The following LRP1B variants were observed in gnomAD, a reference collection of about 807,000 sequenced individuals.
LRP1B encodes the protein LDL receptor related protein 1B, also known as low-density lipoprotein receptor-related protein 1B.
In LRP1B, 217 loss-of-function variants were observed where a neutral mutation model predicts 556.6. That is an observed-to-expected ratio of 0.39 (90% CI 0.35 to 0.44). The LOEUF (loss-of-function observed/expected upper bound fraction) is 0.44, where lower values mean the gene tolerates loss of function less well. LRP1B is among the 20% of genes least tolerant of loss of function. The pLI is 1.00. For synonymous variants in LRP1B, 2,047 were observed against 1,865.8 expected (o/e 1.10, Z -2.50); for missense variants, 5,053 against 5,620.8 (o/e 0.90, Z 3.23).
In LRP1B at chr2:141,765,790, T is replaced by C. The variant is rs185420600; in HGVS notation, c.205+44489A>G. Among the ~76,000 whole-genome samples, 11 of 152,288 alleles carry C rather than the reference T, an allele frequency of 7.2e-5. No individual in the cohort carries two copies. In the East Asian group the frequency reaches 1.7e-3, roughly 24 times the overall value. On this transcript the variant is annotated intron_variant, in intron 2 of 90. Coordinates refer to ENST00000389484, the MANE Select transcript of LRP1B (RefSeq NM_018557.3). ...GAATTTATAACTGATGATTCCTTTT[T>C]CTCCTTATTTCAGTGATTCTCAGCA...
chr2:141,246,729 C>A (rs1409588404), intron 5 of LRP1B, among the ~76,000 whole-genome samples: 2 of 152,110 alleles, frequency 1.3e-5, no homozygotes, highest in Non-Finnish European at 2.9e-5. Flanking sequence ...CTTTGGGAGG[C>A]CTTGGTGGGT....
intron 1 of LRP1B, among the ~76,000 whole-genome samples, chr2:141,822,461 T>C (rs1696787000): frequency 6.6e-6 from 1 of 152,156 alleles, no homozygotes; most frequent in Non-Finnish European, 1.5e-5. Context: ...TATTGACACT[T>C]CCTTGCAGGC....
chr2:140,313,296 T>A (rs560395447), intron 83 of LRP1B, among the ~76,000 whole-genome samples: 1 of 152,018 alleles, frequency 6.6e-6, no homozygotes, highest in Non-Finnish European at 1.5e-5. Context: ...TCTTGAACAT[T>A]TTATGTAAAT....
At chr2:141,451,318 A>C (rs1478647552) in intron 3 of LRP1B, among the ~76,000 whole-genome samples, 7 of 152,214 alleles carry the variant, frequency 4.6e-5, no homozygotes, top group Admixed American at 4.6e-4. Flanking sequence ...ACTCTTAGTG[A>C]ACTGGTAGTG....
intron 43 of LRP1B, among the ~76,000 whole-genome samples, chr2:140,547,698 G>T (rs1178690494): frequency 6.6e-6 from 1 of 151,932 alleles, no homozygotes; most frequent in African/African-American, 2.4e-5. Flanking sequence ...ATGAGTGGAG[G>T]CACTGTGGCA....
At chr2:141,627,464 G>A (rs1328169254) in intron 2 of LRP1B, among the ~76,000 whole-genome samples, 1 of 152,148 alleles carries the variant, frequency 6.6e-6, no homozygotes, top group Non-Finnish European at 1.5e-5. Flanking sequence ...TTAGGAAGTG[G>A]GCCGCACAGC....
chr2:140,969,876 C>T (rs1171109297), intron 18 of LRP1B, among the ~76,000 whole-genome samples: 1 of 152,192 alleles, frequency 6.6e-6, no homozygotes, highest in Non-Finnish European at 1.5e-5. Flanking sequence ...TGTAGAGTTT[C>T]TGCCGAGAGA....
intron 21 of LRP1B, among the ~76,000 whole-genome samples, chr2:140,922,272 C>T (rs1694757523): frequency 1.6e-5 from 2 of 128,142 alleles, no homozygotes; most frequent in Admixed American, 8.4e-5. Flanking sequence ...TTTTGGTTTC[C>T]TATTTGTATA....
Position 140,319,984 on chromosome 2 carries a change from C to G in LRP1B, c.12640+1979G>C, listed in dbSNP as rs1159057676. Among the ~76,000 whole-genome samples, 4 of 152,150 alleles carry G rather than the reference C, an allele frequency of 2.6e-5. No individual in the cohort carries two copies. The East Asian group carries it at 7.7e-4, about 29-fold the overall frequency. Reference sequence around the variant, plus strand: ...TTACCCAAAACAGGGCTTCACACTTCTACACACTAACTAAAATGAATGACT... The same window carrying G: ...TTACCCAAAACAGGGCTTCACACTTGTACACACTAACTAAAATGAATGACT... On this transcript the variant is annotated intron_variant, in intron 82 of 90. Coordinates refer to ENST00000389484, the MANE Select transcript of LRP1B (RefSeq NM_018557.3).
At chr2:141,039,230 A>T (rs1253280880) in intron 11 of LRP1B, among the ~76,000 whole-genome samples, 1 of 152,086 alleles carries the variant, frequency 6.6e-6, no homozygotes, top group Non-Finnish European at 1.5e-5. Context: ...TTGACAGACC[A>T]CAAGAAGAGT....
intron 5 of LRP1B, among the ~76,000 whole-genome samples, chr2:141,244,373 T>C (rs1683993091): frequency 1.3e-5 from 2 of 152,176 alleles, no homozygotes; most frequent in South Asian, 4.1e-4. Flanking sequence ...TTTTCCACAC[T>C]ACCCAGCTGC....
chr2:140,256,503 T>C (rs933653478), intron 86 of LRP1B, among the ~76,000 whole-genome samples: 4 of 135,176 alleles, frequency 3.0e-5, no homozygotes, highest in Non-Finnish European at 4.7e-5. Flanking sequence ...AGAGTCTTGC[T>C]TTGTCGTCAG....
rs565408689 is a variant in LRP1B at position 141,509,076 on chromosome 2, C to CA, written c.206-28544dup. Reference sequence around the variant, plus strand: ...GGGATAATAATCTGGAATGACTTTGCAACTCCGGGTATCCATGTTTCCAAT... The same window carrying CA: ...GGGATAATAATCTGGAATGACTTTGCAAACTCCGGGTATCCATGTTTCCAAT... On this transcript the variant is annotated intron_variant, in intron 2 of 90. Transcript: ENST00000389484. Among the ~76,000 whole-genome samples, 13 of 152,214 alleles carry CA rather than the reference C, an allele frequency of 8.5e-5. No homozygotes were observed. The East Asian group carries it at 2.5e-3, about 29-fold the overall frequency.
chr2:140,947,213 A>G (rs1212195657), intron 20 of LRP1B, among the ~76,000 whole-genome samples: 1 of 152,226 alleles, frequency 6.6e-6, no homozygotes, highest in Non-Finnish European at 1.5e-5. Context: ...GTGATTTTAG[A>G]GAGAATACAT....
intron 35 of LRP1B, among the ~76,000 whole-genome samples, chr2:140,723,786 G>T (rs16844601): frequency 6.6e-6 from 1 of 152,060 alleles, no homozygotes; most frequent in African/African-American, 2.4e-5. Context: ...AATAACTGTC[G>T]GATAGCAAAA....
intron 2 of LRP1B, among the ~76,000 whole-genome samples, chr2:141,638,898 T>TGC (rs1558771592): frequency 2.6e-5 from 1 of 39,024 alleles, no homozygotes; most frequent in Admixed American, 2.7e-4. Context: ...TGTATGTGCG[T>TGC]GTGTGTGTGT....
chr2:140,957,433 T>A (rs10496863), intron 18 of LRP1B, among the ~76,000 whole-genome samples: 4,441 of 151,606 alleles, frequency 0.029, 170 homozygotes, highest in East Asian at 0.19. Context: ...GATCACTATT[T>A]AAATGACAAA....
chr2:140,668,663 A>G (rs1233625702), intron 41 of LRP1B, among the ~76,000 whole-genome samples: 1 of 152,156 alleles, frequency 6.6e-6, no homozygotes, highest in Non-Finnish European at 1.5e-5. Context: ...TATTCATCCA[A>G]ATTGGTTATA....
chr2:141,438,436 A>G (rs187092572), intron 3 of LRP1B, among the ~76,000 whole-genome samples: 1 of 152,274 alleles, frequency 6.6e-6, no homozygotes, highest in East Asian at 1.9e-4. Flanking sequence ...ATCCATGGGT[A>G]GAATACACGC....
Sources: gnomAD v4.1 joint callset for allele counts (sites outside exome capture counted in the v4.1 genomes callset) on GRCh38, gnomAD v4.1.1 for gene constraint, MANE v1.5 for transcripts, NCBI Gene and HGNC (gene_info 2026-07-23, HGNC 2026-07-21) for gene names.